Variants in PAK3 observed in about 807,000 individuals in gnomAD.
The protein encoded by PAK3 is serine/threonine-protein kinase PAK 3.
In PAK3, 4 loss-of-function variants were observed where a neutral mutation model predicts 41.0. That is an observed-to-expected ratio of 0.10 (90% CI 0.05 to 0.22). The LOEUF (loss-of-function observed/expected upper bound fraction) is 0.22. Among genes scored for constraint, PAK3 ranks in the 10% least tolerant of loss-of-function variants. The pLI is 1.00. For synonymous variants in PAK3, 146 were observed against 139.6 expected (o/e 1.05, Z -0.32); for missense variants, 205 against 409.9 (o/e 0.50, Z 4.32).
chrX:111,041,017 C>G (rs1273968310), intron 1 of PAK3, among the ~76,000 whole-genome samples: 1 of 112,504 alleles, frequency 8.9e-6, no homozygotes, highest in Non-Finnish European at 1.9e-5. Context: ...TCAGTGGACC[C>G]TGTATCACGA....
chrX:110,964,388 G>T (rs755431524), intron 1 of PAK3, among the ~76,000 whole-genome samples: 1 of 112,527 alleles, frequency 8.9e-6, no homozygotes, highest in South Asian at 3.7e-4. Flanking sequence ...CCATAGGTCT[G>T]GGGTGGAGCC....
In PAK3 at chrX:111,223,655, G is replaced by C. The variant is rs930931581; in HGVS notation, c.*3208G>C. ...GCACATTCCATTGCTAAAAGAAAAA[G>C]AAACACGAAATTGCTTCCTGTTGTC... is the stretch of plus-strand genomic sequence containing the variant. On this transcript the variant is annotated 3_prime_UTR_variant, in exon 18 of 18. Transcript: ENST00000372007. 1 of 110,751 alleles carries C rather than the reference G, an allele frequency of 9.0e-6. No individual in the cohort carries two copies. The highest frequency in any genetic ancestry group is 1.9e-5 in the Non-Finnish European group (1 of 53,041). 9.1% of individuals were successfully genotyped at this position (110,751 alleles called of 1,213,427 possible).
intron 1 of PAK3, among the ~76,000 whole-genome samples, chrX:111,068,755 A>G (rs772547651): frequency 2.7e-5 from 3 of 112,951 alleles, no homozygotes; most frequent in Non-Finnish European, 3.7e-5. Flanking sequence ...ACAGACTTGG[A>G]TATATACTTC....
At chrX:110,999,426 C>T (rs913737847) in intron 1 of PAK3, among the ~76,000 whole-genome samples, 3 of 111,193 alleles carry the variant, frequency 2.7e-5, no homozygotes, top group East Asian at 5.7e-4. Context: ...AGAAAGATGG[C>T]ATGGCCCCAC....
intron 16 of PAK3, among the ~76,000 whole-genome samples, chrX:111,210,927 G>A (rs935350998): frequency 1.8e-5 from 2 of 111,821 alleles, no homozygotes; most frequent in African/African-American, 6.5e-5. Context: ...TAAAACCCAG[G>A]ATAGTCCCCA....
chrX:111,161,610 T>G (rs959541499), intron 8 of PAK3, among the ~76,000 whole-genome samples: 3 of 111,648 alleles, frequency 2.7e-5, no homozygotes, highest in African/African-American at 9.8e-5. Flanking sequence ...GTCTAACATG[T>G]AAGTCTTTAA....
At chrX:111,058,563 T>A (rs2148803140) in intron 1 of PAK3, among the ~76,000 whole-genome samples, 1 of 111,965 alleles carries the variant, frequency 8.9e-6, no homozygotes, top group South Asian at 3.7e-4. Flanking sequence ...CCTTATATAT[T>A]CTAGATAAAA....
chrX:111,127,605 G>A (rs1345676188), intron 5 of PAK3, among the ~76,000 whole-genome samples: 3 of 111,091 alleles, frequency 2.7e-5, no homozygotes, highest in Non-Finnish European at 5.7e-5. Flanking sequence ...TTTAGACCAG[G>A]AAAGAGACAT....
In PAK3 at chrX:111,140,108, G is replaced by C. The variant is rs2093850611; in HGVS notation, c.176-1988G>C. On this transcript the variant is annotated intron_variant, in intron 5 of 17. Transcript: ENST00000372007. ...AATTTTATAATGTCTTTTACTTAAA[G>C]GGAACCTTCCTCTCAAATTACATGA... Among the ~76,000 whole-genome samples the C allele has an allele frequency of 4.5e-5, 5 of 111,651 alleles. No homozygotes were observed. In the South Asian group the frequency reaches 1.9e-3, roughly 43 times the overall value.
intron 4 of PAK3, among the ~76,000 whole-genome samples, chrX:111,112,086 A>G (rs1466724167): frequency 1.8e-5 from 2 of 111,804 alleles, no homozygotes; most frequent in Non-Finnish European, 3.8e-5. Context: ...GACATCTGCT[A>G]CATTGTCACC....
At chrX:110,980,424 C>G (rs2091429233) in intron 1 of PAK3, among the ~76,000 whole-genome samples, 1 of 111,622 alleles carries the variant, frequency 9.0e-6, no homozygotes, top group Admixed American at 9.5e-5. Context: ...TGCATGACAA[C>G]AGTTTGGGAC....
chrX:111,048,066 C>G (rs1286888071), intron 1 of PAK3, among the ~76,000 whole-genome samples: 3 of 111,619 alleles, frequency 2.7e-5, no homozygotes, highest in African/African-American at 9.8e-5. Context: ...GCATCTACCC[C>G]CAGGTATATC....
chrX:111,013,221 C>G (rs1437489072), intron 1 of PAK3, among the ~76,000 whole-genome samples: 1 of 112,586 alleles, frequency 8.9e-6, no homozygotes, highest in Non-Finnish European at 1.9e-5. Flanking sequence ...TCTACCCTCA[C>G]AGCATCATAG....
chrX:111,134,430 A>C (rs896547352), intron 5 of PAK3, among the ~76,000 whole-genome samples: 5 of 112,154 alleles, frequency 4.5e-5, no homozygotes, highest in African/African-American at 1.6e-4. Flanking sequence ...ACCTGTCCCC[A>C]TATACTGGGC....
intron 1 of PAK3, among the ~76,000 whole-genome samples, chrX:111,045,811 A>C (rs777928780): frequency 9.0e-6 from 1 of 111,377 alleles, no homozygotes; most frequent in African/African-American, 3.3e-5. Flanking sequence ...GTTTCCATGG[A>C]CCATGGCGAG....
chrX:110,990,358 A>C (rs1271264591), intron 1 of PAK3, among the ~76,000 whole-genome samples: 1 of 112,178 alleles, frequency 8.9e-6, no homozygotes, highest in African/African-American at 3.2e-5. Flanking sequence ...ATGATTAAGC[A>C]CCTACTATGT....
rs180801637 is a variant in PAK3 at position 111,161,666 on chromosome X, G to A, written c.469-1249G>A. 2.4e-3 allele frequency among the ~76,000 whole-genome samples: 273 copies of A among 111,452 alleles called. 2 individuals are homozygous for A. Among genetic ancestry groups the A allele is most frequent in the African/African-American group, 8.5e-3 (260 of 30,416 alleles). Reference sequence around the variant, plus strand: ...GTATAAGGTGTAAGGAAGGGATCCAGTTTCAGCTTTCTACATATGGCTAGC... The same window carrying A: ...GTATAAGGTGTAAGGAAGGGATCCAATTTCAGCTTTCTACATATGGCTAGC... On this transcript the variant is annotated intron_variant, in intron 8 of 17. Coordinates refer to ENST00000372007, the MANE Select transcript of PAK3 (RefSeq NM_002578.5).
intron 7 of PAK3, among the ~76,000 whole-genome samples, chrX:111,152,057 A>G (rs1240827487): frequency 8.9e-6 from 1 of 112,445 alleles, no homozygotes; most frequent in African/African-American, 3.2e-5. Context: ...AGTTGACCAC[A>G]GGTAGCTGAA....
At chrX:110,950,700 TTGA>T (rs1252452800) in intron 1 of PAK3, among the ~76,000 whole-genome samples, 2 of 112,177 alleles carry the variant, frequency 1.8e-5, no homozygotes, top group Non-Finnish European at 3.8e-5. Flanking sequence ...CCAACCTTTG[TTGA>T]TGAATTTTTG....
Sources: allele counts gnomAD v4.1 joint callset (sites outside exome capture counted in the v4.1 genomes callset), GRCh38; gene constraint gnomAD v4.1.1; transcripts MANE v1.5; gene names NCBI Gene and HGNC (gene_info 2026-07-23, HGNC 2026-07-21).